SLC29A4: variants seen among roughly 807,000 people sequenced by gnomAD.
SLC29A4 encodes the protein equilibrative nucleoside transporter 4.
SLC29A4 carries 36 observed loss-of-function variants against 43.9 expected under a neutral mutation model. The ratio of observed to expected loss-of-function variants is 0.82; its 90% CI spans 0.63 to 1.08. The LOEUF (loss-of-function observed/expected upper bound fraction) is 1.08, where lower values mean the gene tolerates loss of function less well. SLC29A4 is among the 50% of genes least tolerant of loss of function. The probability of loss-of-function intolerance (pLI) is 0.00; values close to 1 mark genes in which losing one functional copy is unlikely to be tolerated. For missense variants in SLC29A4, 869 were observed against 755.3 expected (o/e 1.15, Z -1.77); for synonymous variants, 491 against 338.0 (o/e 1.45, Z -4.97).
At chr7:5,291,647 A>T (rs1387322716) in intron 4 of SLC29A4, 46 bp from the exon 5 acceptor site, 3 of 1,544,898 alleles carry the variant, frequency 1.9e-6, no homozygotes, top group Non-Finnish European at 2.6e-6. Context: ...GGGGGACCCC[A>T]CCCAGTTGGC....
At position 5,300,467 on chromosome 7, in the gene SLC29A4, G is replaced by C; in HGVS notation, c.1255G>C (p.Ala419Pro). ...PVDWRGTHLL[A>P]CSCLRVVFIP... is the part of the protein sequence containing the mutation. ...GGACTGGCGGGGCACCCACCTGCTG[G>C]CCTGCTCCTGCCTGCGTGTGGTCTT... Residue 419 changes from alanine (A) to proline (P), a missense_variant, in exon 10 of 11, where the codon GCC (alanine) becomes CCC (proline). Transcript: ENST00000396872. 2 of 1,611,446 alleles carry C rather than the reference G, an allele frequency of 1.2e-6. No homozygotes were observed. The highest frequency in any genetic ancestry group is 1.7e-6 in the Non-Finnish European group (2 of 1,179,748).
chr7:5,295,297 A>C (rs1238979329), intron 6 of SLC29A4, among the ~76,000 whole-genome samples: 1 of 152,002 alleles, frequency 6.6e-6, no homozygotes, highest in East Asian at 1.9e-4. Context: ...GATGTCATGC[A>C]CATCACACCA....
Position 5,299,088 on chromosome 7 carries a change from C to G in SLC29A4, c.983C>G (p.Pro328Arg), listed in dbSNP as rs369055654. The change falls in exon 8 of 11, where the codon CCG becomes CGG. Residue 328 changes from proline to arginine, a missense_variant. Pro to Arg is a moderately radical substitution (Grantham distance 103). Transcript: ENST00000396872. ...GGGGCCTACATGCGCTTTGATGTGC[C>G]GCGGCCAAGGGTCCAGCGCAGCTGG... ...SGGAYMRFDV[P>R]RPRVQRSWPT... 9.3e-6 allele frequency: 15 copies of G among 1,610,428 alleles called. No homozygotes were observed. Among genetic ancestry groups the G allele is most frequent in the Non-Finnish European group, 1.3e-5 (15 of 1,179,398 alleles).
At chr7:5,286,262 G>T (rs1410943788) in intron 1 of SLC29A4, among the ~76,000 whole-genome samples, 4 of 151,920 alleles carry the variant, frequency 2.6e-5, no homozygotes, top group Non-Finnish European at 4.4e-5. Flanking sequence ...TGGTGGCTCA[G>T]GCCTGTAATC....
intron 10 of SLC29A4, 56 bp downstream of exon 10, chr7:5,300,718 C>A (rs1266269245): frequency 1.3e-6 from 2 of 1,579,610 alleles, no homozygotes; most frequent in Non-Finnish European, 1.7e-6. Context: ...CAATGCCCCC[C>A]TCGCGAGGAA....
intron 9 of SLC29A4, among the ~76,000 whole-genome samples, chr7:5,300,080 C>T (rs1440875573): frequency 6.6e-6 from 1 of 151,904 alleles, no homozygotes; most frequent in Non-Finnish European, 1.5e-5. Context: ...ACAAAAAAAT[C>T]ACTCAGCCAG....
At chr7:5,297,597 T>C (rs1412829080) in intron 7 of SLC29A4, among the ~76,000 whole-genome samples, 1 of 152,096 alleles carries the variant, frequency 6.6e-6, no homozygotes, top group Non-Finnish European at 1.5e-5. Flanking sequence ...CGTTGGAGAG[T>C]CCTCCTGCAG....
intron 6 of SLC29A4, 73 bp from the exon 7 acceptor site, chr7:5,296,863 G>A (rs1583669056): frequency 6.9e-7 from 1 of 1,449,764 alleles, no homozygotes; most frequent in Non-Finnish European, 9.1e-7. Flanking sequence ...GTGTGTGGAC[G>A]GGGCTGGGGC....
intron 6 of SLC29A4, 108 bp from the exon 7 acceptor site, chr7:5,296,827 AG>A: frequency 9.0e-7 from 1 of 1,106,612 alleles, no homozygotes; most frequent in Middle Eastern, 3.1e-4. Flanking sequence ...CCTGTGGTGG[AG>A]GGCGGGGCCG....
At chr7:5,286,907 C>T (rs574097657) in intron 1 of SLC29A4, among the ~76,000 whole-genome samples, 8 of 152,368 alleles carry the variant, frequency 5.3e-5, no homozygotes, top group East Asian at 1.9e-4. Flanking sequence ...GGTGCAGGCA[C>T]GCGTGAGGCT....
chr7:5,294,909 C>G lies in SLC29A4; in HGVS notation c.594C>G (p.Tyr198Ter), dbSNP rs754539509. 3.1e-6 allele frequency: 5 copies of G among 1,610,764 alleles called. No individual in the cohort carries two copies. Among genetic ancestry groups the G allele is most frequent in the Non-Finnish European group, 4.2e-6 (5 of 1,179,030 alleles). Residue 198 changes from tyrosine (Y) to a stop codon, truncating the protein, a stop_gained, in exon 6 of 11, where the codon TAC becomes TAG. Transcript: ENST00000396872. LOFTEE classifies it high-confidence loss of function. The part of the protein sequence containing the change: ...YGYTGMLPKR[Y>*]TQGVMTGEST... ...ACACGGGGATGCTGCCCAAGCGGTA[C>G]ACGCAGGGGGTGATGACCGGGGAGA...
Position 5,305,291 on chromosome 7 carries a change from T to G in SLC29A4, c.*2352T>G, listed in dbSNP as rs995290767. The stretch of plus-strand genomic sequence containing the variant: ...ACACCAGAGTGTTTCCCAGAGCCCA[T>G]GCCGGGCCCTTCCCTTGCCCGAGGC... On this transcript the variant is annotated 3_prime_UTR_variant, in exon 11 of 11. Transcript: ENST00000396872. 1.3e-5 allele frequency: 2 copies of G among 152,300 alleles called. No homozygotes were observed. Among genetic ancestry groups the G allele is most frequent in the African/African-American group, 2.4e-5 (1 of 41,472 alleles). 9.4% of individuals were successfully genotyped at this position (152,300 alleles called of 1,614,324 possible). A position where few individuals can be genotyped will look rare whatever the true frequency, so the allele number is the denominator to read the frequency against.
intron 1 of SLC29A4, among the ~76,000 whole-genome samples, chr7:5,283,407 T>TGCCCCC (rs1280752208): frequency 6.6e-5 from 10 of 151,246 alleles, no homozygotes; most frequent in Non-Finnish European, 1.5e-4. Context: ...ATCGCTCCCC[T>TGCCCCC]GCCCCCGCCG....
At position 5,303,258 on chromosome 7, in the gene SLC29A4, G is replaced by A. The variant is rs112531755; in HGVS notation, c.*319G>A. On this transcript the variant is annotated 3_prime_UTR_variant, in exon 11 of 11. Coordinates refer to ENST00000396872, the MANE Select transcript of SLC29A4 (RefSeq NM_153247.4). Reference sequence around the variant, plus strand: ...CAGCCAGCACTCTGCAGGGTCACACGCACCGTGTCCCCACCCAGGACAGCA... The same window carrying A: ...CAGCCAGCACTCTGCAGGGTCACACACACCGTGTCCCCACCCAGGACAGCA... The A allele has an allele frequency of 4.6e-5, 20 of 435,658 alleles. No individual in the cohort carries two copies. Among genetic ancestry groups the A allele is most frequent in the African/African-American group, 2.6e-4 (13 of 49,398 alleles). 27.0% of individuals were successfully genotyped at this position (435,658 alleles called of 1,614,324 possible).
chr7:5,291,325 C>T, intron 4 of SLC29A4, 88 bp downstream of exon 4: 1 of 1,259,290 alleles, frequency 7.9e-7, no homozygotes, highest in Non-Finnish European at 1.1e-6. Context: ...CCCTGAGCCT[C>T]ACTCCCCTCG....
intron 7 of SLC29A4, among the ~76,000 whole-genome samples, chr7:5,297,811 C>T (rs930535271): frequency 1.3e-5 from 2 of 152,146 alleles, no homozygotes; most frequent in African/African-American, 2.4e-5. Context: ...GGGCCAGGGG[C>T]TTGGTTCTGT....
At chr7:5,298,306 G>C (rs991164695) in intron 7 of SLC29A4, among the ~76,000 whole-genome samples, 2 of 152,186 alleles carry the variant, frequency 1.3e-5, no homozygotes, top group African/African-American at 2.4e-5. Flanking sequence ...TTTGGGCTAA[G>C]ACCTGACCCA....
Position 5,305,441 on chromosome 7 carries a change from G to T in SLC29A4, c.*2502G>T, listed in dbSNP as rs1376760895. On this transcript the variant is annotated 3_prime_UTR_variant, in exon 11 of 11. Transcript: ENST00000396872. ...CCACCTATAGCTTCCCTAGGCCCCA[G>T]TGCAGAGATGCCGTCCACCCCCATC... is the stretch of plus-strand genomic sequence containing the variant. 4.6e-5 allele frequency: 7 copies of T among 152,258 alleles called. No individual in the cohort carries two copies. Among genetic ancestry groups the T allele is most frequent in the African/African-American group, 1.7e-4 (7 of 41,464 alleles). 9.4% of individuals were successfully genotyped at this position (152,258 alleles called of 1,614,324 possible). A position where few individuals can be genotyped will look rare whatever the true frequency, so the allele number is the denominator to read the frequency against.
chr7:5,300,705 G>A (rs1489730116), intron 10 of SLC29A4, 43 bp downstream of exon 10: 5 of 1,591,026 alleles, frequency 3.1e-6, no homozygotes, highest in Non-Finnish European at 3.4e-6. Flanking sequence ...CCTCCCAGCA[G>A]CGCAATGCCC....
Sources: allele counts gnomAD v4.1 joint callset (sites outside exome capture counted in the v4.1 genomes callset), GRCh38; gene constraint gnomAD v4.1.1; transcripts MANE v1.5; gene names NCBI Gene and HGNC (gene_info 2026-07-23, HGNC 2026-07-21).